The following COQ6 variants were observed in gnomAD, a reference collection of about 807,000 sequenced individuals.
COQ6 encodes the protein coenzyme Q6, monooxygenase.
A neutral mutation model predicts 55.5 loss-of-function variants in COQ6; 45 were observed. That is an observed-to-expected ratio of 0.81 (90% CI 0.64 to 1.04). The LOEUF (loss-of-function observed/expected upper bound fraction) is 1.04. Among genes scored for constraint, COQ6 ranks in the 50% least tolerant of loss-of-function variants. The pLI, the probability that COQ6 is intolerant of heterozygous loss-of-function variation, is 0.00. For synonymous variants in COQ6, 206 were observed against 230.5 expected (o/e 0.89, Z 0.96); for missense variants, 550 against 601.3 (o/e 0.91, Z 0.89).
At chr14:73,960,294 G>C (rs1044286007) in intron 8 of COQ6, 4 of 985,710 alleles carry the variant, frequency 4.1e-6, no homozygotes, top group South Asian at 4.7e-5. Context: ...CAAAATGAGA[G>C]AACTTTTGTA....
intron 6 of COQ6, 21 bp from the exon 7 acceptor site, chr14:73,959,140 AC>A: frequency 6.2e-7 from 1 of 1,614,110 alleles, no homozygotes; most frequent in Non-Finnish European, 8.5e-7. Context: ...TCACAGAGAA[AC>A]TTTTCTCCTC....
At chr14:73,954,843 CAAAAAAA>C (rs1216623718) in intron 2 of COQ6, among the ~76,000 whole-genome samples, 2 of 56,314 alleles carry the variant, frequency 3.6e-5, no homozygotes, top group African/African-American at 6.7e-5. Context: ...GATTCCGTCT[CAAAAAAA>C]AAAAAAAAAA....
chr14:73,955,106 C>T (rs1211641080), intron 2 of COQ6, among the ~76,000 whole-genome samples: 3 of 151,402 alleles, frequency 2.0e-5, no homozygotes, highest in Non-Finnish European at 4.4e-5. Flanking sequence ...GCGCCCGCCA[C>T]CACGCCCAGC....
At position 73,955,512 on chromosome 14, in the gene COQ6, GC is replaced by G. The variant is rs1305454154; in HGVS notation, c.357+7del. 31 of 1,613,484 alleles carry G rather than the reference GC, an allele frequency of 1.9e-5. No homozygotes were observed. Among genetic ancestry groups the G allele is most frequent in the Non-Finnish European group, 2.6e-5 (31 of 1,179,552 alleles). On this transcript the variant is annotated splice_donor_region_variant and intron_variant, in intron 3 of 11. Transcript: ENST00000334571. Reference sequence around the variant, plus strand: ...ACAGAGCCTTTCGGCGAATGCAGGTGCCCCTTTATCTTTTCAATTTTGTCAA... The same window carrying G: ...ACAGAGCCTTTCGGCGAATGCAGGTGCCCTTTATCTTTTCAATTTTGTCAA...
intron 7 of COQ6, 66 bp downstream of exon 7, chr14:73,959,290 C>T (rs747528224): frequency 3.1e-6 from 5 of 1,614,026 alleles, no homozygotes; most frequent in African/African-American, 2.7e-5. Flanking sequence ...TTTCTCTCAG[C>T]CTTTTTCTGG....
Position 73,960,266 on chromosome 14 carries a change from G to T in COQ6, c.891+744G>T. 8 of 986,426 alleles carry T rather than the reference G, an allele frequency of 8.1e-6. 1 individual carries two copies. The South Asian group carries it at 3.3e-4, about 40-fold the overall frequency. 61.1% of individuals were successfully genotyped at this position (986,426 alleles called of 1,614,324 possible). A position where few individuals can be genotyped will look rare whatever the true frequency, so the allele number is the denominator to read the frequency against. ...TGTAAATAGTATCACTAACTGCTCA[G>T]GATTGAATAAAGACTTTCAAAATGA... On this transcript the variant is annotated intron_variant, in intron 8 of 11. Coordinates refer to ENST00000334571, the MANE Select transcript of COQ6 (RefSeq NM_182476.3).
In COQ6 at chr14:73,961,441, T is replaced by C; in HGVS notation, c.1095-14T>C. The C allele has an allele frequency of 6.2e-7, 1 of 1,614,218 alleles. No homozygotes were observed. Among genetic ancestry groups the C allele is most frequent in the South Asian group, 1.1e-5 (1 of 91,084 alleles). The stretch of plus-strand genomic sequence containing the variant: ...GCTGCCAGAGGTCACACCTGAACTC[T>C]GCTTTATTCTTAGGGATGCAGCCCA... On this transcript the variant is annotated splice_polypyrimidine_tract_variant and intron_variant, in intron 9 of 11. Coordinates refer to ENST00000334571, the MANE Select transcript of COQ6 (RefSeq NM_182476.3).
chr14:73,954,884 T>C (rs936078380), intron 2 of COQ6, among the ~76,000 whole-genome samples: 1 of 150,900 alleles, frequency 6.6e-6, no homozygotes, highest in Non-Finnish European at 1.5e-5. Flanking sequence ...GGTTTTCGTT[T>C]TTAATTTCCC....
At chr14:73,954,864 A>G (rs183139856) in intron 2 of COQ6, among the ~76,000 whole-genome samples, 2 of 143,092 alleles carry the variant, frequency 1.4e-5, no homozygotes, top group East Asian at 2.0e-4. Flanking sequence ...AAAAAAAAAT[A>G]CATGGATTTG....
chr14:73,961,034 T>C (rs781351141), intron 8 of COQ6, 139 bp from the exon 9 acceptor site: 8 of 971,582 alleles, frequency 8.2e-6, no homozygotes, highest in South Asian at 1.4e-5. Context: ...TTGAGGGGCT[T>C]ATCACTTGTC....
chr14:73,953,707 G>T, intron 2 of COQ6, 138 bp downstream of exon 2: 1 of 1,118,762 alleles, frequency 8.9e-7, no homozygotes, highest in Non-Finnish European at 1.3e-6. Context: ...GGTGGGATTG[G>T]TAGTCTAGGG....
At position 73,961,461 on chromosome 14, in the gene COQ6, A is replaced by G; in HGVS notation, c.1101A>G (p.Ala367=). ...VRPRVALIGD[A]AHRVHPLAGQ... is the part of the protein sequence containing the mutation. ...AACTCTGCTTTATTCTTAGGGATGC[A>G]GCCCACAGAGTCCATCCGCTTGCAG... is the stretch of plus-strand genomic sequence containing the variant. The change falls in exon 10 of 12, where the codon GCA becomes GCG. Residue 367 remains alanine (A), a synonymous_variant. Coordinates refer to ENST00000334571, the MANE Select transcript of COQ6 (RefSeq NM_182476.3). 1 of 1,614,208 alleles carries G rather than the reference A, an allele frequency of 6.2e-7. No homozygotes were observed. The highest frequency in any genetic ancestry group is 8.5e-7 in the Non-Finnish European group (1 of 1,180,028).
At chr14:73,950,232 A>G (rs1192552947), upstream of COQ6, 5 of 1,538,762 alleles carry the variant, frequency 3.2e-6, no homozygotes, top group African/African-American at 1.4e-5. Context: ...TCCGGTTCTG[A>G]GGACGCCGCG....
intron 1 of COQ6, among the ~76,000 whole-genome samples, chr14:73,951,571 C>G (rs1186440807): frequency 3.3e-5 from 5 of 151,790 alleles, no homozygotes. Flanking sequence ...CGTGATCCAC[C>G]TGCCCCTTCC....
chr14:73,957,664 A>C (rs375601479), intron 4 of COQ6, among the ~76,000 whole-genome samples: 1 of 152,122 alleles, frequency 6.6e-6, no homozygotes, highest in South Asian at 2.1e-4. Context: ...TCCTGGGCTC[A>C]AGTGATCCTC....
intron 8 of COQ6, chr14:73,959,944 G>T: frequency 1.8e-6 from 2 of 1,132,282 alleles, no homozygotes; most frequent in Non-Finnish European, 1.1e-6. Context: ...TATAATGCTT[G>T]GTCTAGATTA....
chr14:73,961,722 TCCTCTGC>T lies in COQ6; in HGVS notation c.1211-11_1211-5del. ...ATTATTGGATTAGGGATTTAATCTT[TCCTCTGC>T]CCTTCAGGTTCCGTGAGCCACCTCA... On this transcript the variant is annotated splice_region_variant and splice_polypyrimidine_tract_variant and intron_variant, in intron 10 of 11. Transcript: ENST00000334571. The T allele has an allele frequency of 6.2e-7, 1 of 1,614,076 alleles. No homozygotes were observed. The highest frequency in any genetic ancestry group is 8.5e-7 in the Non-Finnish European group (1 of 1,179,956).
rs1173230866 is a variant in COQ6 at position 73,950,354 on chromosome 14, C to T, written c.22C>T (p.Arg8Ter). ...CACCATGGCGGCCCGGCTTGTCAGC[C>T]GATGCGGGGCTGTGCGTGCAGCTCC... MAARLVS[R>*]CGAVRAAPHS... Residue 8 changes from arginine (R) to a stop codon, truncating the protein, a stop_gained, in exon 1 of 12, where the codon CGA (arginine) becomes TGA (stop). Coordinates refer to ENST00000334571, the MANE Select transcript of COQ6 (RefSeq NM_182476.3). LOFTEE classifies it high-confidence loss of function. 6 of 1,556,020 alleles carry T rather than the reference C, an allele frequency of 3.9e-6. No individual in the cohort carries two copies. Among genetic ancestry groups the T allele is most frequent in the South Asian group, 1.2e-5 (1 of 85,314 alleles).
In COQ6 at chr14:73,961,806, C is replaced by G; in HGVS notation, c.1280C>G (p.Thr427Arg). 6.2e-7 allele frequency: 1 copy of G among 1,614,212 alleles called. No homozygotes were observed. Among genetic ancestry groups the G allele is most frequent in the Non-Finnish European group, 8.5e-7 (1 of 1,180,024 alleles). ...CACAACACTGCTCTTCTGGCTGCTA[C>G]AGACTTACTAAAAAGGCTCTATTCT... ...QRHNTALLAA[T>R]DLLKRLYSTS... The change falls in exon 11 of 12, where the codon ACA (threonine) becomes AGA (arginine). Residue 427 changes from threonine (T) to arginine (R), a missense_variant. Coordinates refer to ENST00000334571, the MANE Select transcript of COQ6 (RefSeq NM_182476.3).
Sources: allele counts gnomAD v4.1 joint callset (sites outside exome capture counted in the v4.1 genomes callset), GRCh38; gene constraint gnomAD v4.1.1; transcripts MANE v1.5; gene names NCBI Gene and HGNC (gene_info 2026-07-23, HGNC 2026-07-21).